ESYT2: variants seen among roughly 807,000 people sequenced by gnomAD.
ESYT2 encodes extended synaptotagmin 2.
A neutral mutation model predicts 107.2 loss-of-function variants in ESYT2; 54 were observed. The ratio of observed to expected loss-of-function variants is 0.50; its 90% confidence interval spans 0.40 to 0.63. The LOEUF is 0.63. Ranked by LOEUF, ESYT2 falls within the 30% of genes least tolerant of loss-of-function variation. The pLI is 0.00. For synonymous variants in ESYT2, 491 were observed against 434.1 expected (o/e 1.13, Z -1.63); for missense variants, 1,020 against 1,094.5 (o/e 0.93, Z 0.96).
chr7:158,742,322 C>G (rs991749151), intron 17 of ESYT2, among the ~76,000 whole-genome samples: 3 of 152,174 alleles, frequency 2.0e-5, no homozygotes, highest in Non-Finnish European at 2.9e-5. Context: ...CCCTCTGGTG[C>G]CACACAACCT....
At chr7:158,772,806 T>G (rs1838418930) in intron 7 of ESYT2, among the ~76,000 whole-genome samples, 1 of 151,456 alleles carries the variant, frequency 6.6e-6, no homozygotes, top group Non-Finnish European at 1.5e-5. Flanking sequence ...GAACTTCAAG[T>G]TCCTCACCTC....
chr7:158,752,823 G>A lies in ESYT2; in HGVS notation c.1440C>T (p.Asn480=), dbSNP rs754520160. 7.7e-7 allele frequency: 1 copy of A among 1,304,070 alleles called. No individual in the cohort carries two copies. Among genetic ancestry groups the A allele is most frequent in the South Asian group, 1.2e-5 (1 of 81,020 alleles). 80.8% of individuals were successfully genotyped at this position (1,304,070 alleles called of 1,614,324 possible). Residue 480 remains asparagine (N), a synonymous_variant, in exon 14 of 23, where the codon AAC becomes AAT. Transcript: ENST00000275418. ...RNLPSNPLEF[N]PDVLKKTAVQ... is the part of the protein sequence containing the mutation. ...CTGCAGTCTTCTTCAAGACATCGGGGTTAAATTCTAATGGGTTACTCTTTC... is the reference window on the plus strand; with the variant it reads ...CTGCAGTCTTCTTCAAGACATCGGGATTAAATTCTAATGGGTTACTCTTTC...
rs1304097810 is a variant in ESYT2, at chr7:158,731,889, C to G, written c.*2318G>C. The G allele has an allele frequency of 6.6e-6, 1 of 152,402 alleles. No individual in the cohort carries two copies. Among genetic ancestry groups the G allele is most frequent in the Admixed American group, 6.5e-5 (1 of 15,268 alleles). 9.4% of individuals were successfully genotyped at this position (152,402 alleles called of 1,614,324 possible). A position where few individuals can be genotyped will look rare whatever the true frequency, so the allele number is the denominator to read the frequency against. On this transcript the variant is annotated 3_prime_UTR_variant, in exon 23 of 23. Transcript: ENST00000275418. ...TGTGGCCTCGATGGTGGCTTCACTCCTCCACATCTGGGAGGCACTTCAGTG... is the reference window on the plus strand; with the variant it reads ...TGTGGCCTCGATGGTGGCTTCACTCGTCCACATCTGGGAGGCACTTCAGTG...
At chr7:158,822,453 A>G (rs1251893267) in intron 1 of ESYT2, among the ~76,000 whole-genome samples, 1 of 152,156 alleles carries the variant, frequency 6.6e-6, no homozygotes, top group Non-Finnish European at 1.5e-5. Context: ...AATATAGTAT[A>G]GCATCCGTGT....
Position 158,797,864 on chromosome 7 carries a change from A to AAC in ESYT2, c.507+77_507+78insGT, listed in dbSNP as rs1373838350. ...GCGAGACTCCGTCTCAAGAAAAAAA[A>AAC]AAAAAGAAAATGTGTTGTTTTGTGT... On this transcript the variant is annotated intron_variant, in intron 3 of 22. Coordinates refer to ENST00000275418, the MANE Select transcript of ESYT2 (RefSeq NM_001367773.1). 3.9e-6 allele frequency: 6 copies of AAC among 1,557,860 alleles called. No individual in the cohort carries two copies. In the African/African-American group the frequency reaches 8.4e-5, roughly 22 times the overall value.
At chr7:158,740,393 C>T (rs1837149217) in intron 18 of ESYT2, among the ~76,000 whole-genome samples, 2 of 152,162 alleles carry the variant, frequency 1.3e-5, no homozygotes, top group African/African-American at 4.8e-5. Context: ...AATTGAGCAC[C>T]CGAGGTTAAA....
chr7:158,790,913 G>T (rs1162417806), intron 4 of ESYT2, among the ~76,000 whole-genome samples: 1 of 152,136 alleles, frequency 6.6e-6, no homozygotes, highest in Non-Finnish European at 1.5e-5. Flanking sequence ...GGACAACAGA[G>T]TGAGACTCTG....
rs1260113081 is a variant in ESYT2, at chr7:158,788,383, T to C, written c.619A>G (p.Lys207Glu). The change falls in exon 5 of 23, where the codon AAA becomes GAA. Residue 207 changes from lysine (K) to glutamate (E), a missense_variant. Physicochemically the swap from Lys to Glu is moderately conservative, Grantham distance 56 (BLOSUM62 1). Transcript: ENST00000275418. The stretch of plus-strand genomic sequence containing the variant: ...ACACCAGCTCTACAAAAATATCGTT[T>C]GATCTCCAAATCAATCTCACAATTT... ...VGNCEIDLEI[K>E]RYFCRAGVKS... The C allele has an allele frequency of 6.2e-7, 1 of 1,611,730 alleles. No homozygotes were observed. The highest frequency in any genetic ancestry group is 1.7e-5 in the Admixed American group (1 of 59,518).
chr7:158,749,687 C>T lies in ESYT2; in HGVS notation c.1519G>A (p.Val507Ile). The T allele has an allele frequency of 1.9e-6, 3 of 1,614,068 alleles. No homozygotes were observed. The highest frequency in any genetic ancestry group is 2.5e-6 in the Non-Finnish European group (3 of 1,180,004). ...KKISSNPNPV[V>I]QMSVGHKAQE... is the part of the protein sequence containing the mutation. ...GCCTTGTGCCCAACTGACATCTGGACAACAGGATTTGGGTTGCTGCTTATT... is the reference window on the plus strand; with the variant it reads ...GCCTTGTGCCCAACTGACATCTGGATAACAGGATTTGGGTTGCTGCTTATT... The change falls in exon 15 of 23, where the codon GTC (valine) becomes ATC (isoleucine). Residue 507 changes from valine (V) to isoleucine (I), a missense_variant. Physicochemically the swap from Val to Ile is conservative, Grantham distance 29. Coordinates refer to ENST00000275418, the MANE Select transcript of ESYT2 (RefSeq NM_001367773.1).
chr7:158,757,760 T>G (rs920516890), intron 13 of ESYT2, among the ~76,000 whole-genome samples: 17 of 151,030 alleles, frequency 1.1e-4, no homozygotes, highest in Admixed American at 1.1e-3. Flanking sequence ...CTGGGTTTTT[T>G]TTTTTTTGTT....
chr7:158,779,193 G>A (rs1281798188), intron 6 of ESYT2, among the ~76,000 whole-genome samples: 1 of 152,160 alleles, frequency 6.6e-6, no homozygotes, highest in Non-Finnish European at 1.5e-5. Flanking sequence ...TCAAACATAG[G>A]AAGAAGTTTC....
intron 6 of ESYT2, among the ~76,000 whole-genome samples, chr7:158,783,360 A>AT (rs889298492): frequency 1.2e-3 from 184 of 152,280 alleles, no homozygotes; most frequent in African/African-American, 4.2e-3. Context: ...CCAGTGCTGT[A>AT]TGCCTGGCAT....
intron 18 of ESYT2, among the ~76,000 whole-genome samples, chr7:158,739,792 AC>A (rs112298622): frequency 0.042 from 5,876 of 139,256 alleles, 390 homozygotes; most frequent in African/African-American, 0.16. Flanking sequence ...GGTTATTTAT[AC>A]CCCCCCCTTC....
At chr7:158,787,372 A>AATTT (rs1182733487) in intron 6 of ESYT2, among the ~76,000 whole-genome samples, 2 of 152,226 alleles carry the variant, frequency 1.3e-5, no homozygotes, top group Non-Finnish European at 2.9e-5. Context: ...ACCTGAAACA[A>AATTT]ATCTGGTCCC....
intron 4 of ESYT2, 120 bp from the exon 5 acceptor site, chr7:158,788,537 G>C: frequency 4.7e-6 from 4 of 845,692 alleles, no homozygotes; most frequent in Non-Finnish European, 5.4e-6. Flanking sequence ...TCAGATTGTA[G>C]GTAAAAACCC....
chr7:158,763,043 C>A (rs1304953882), intron 10 of ESYT2, 40 bp downstream of exon 10: 3 of 1,454,418 alleles, frequency 2.1e-6, no homozygotes, highest in Non-Finnish European at 2.9e-6. Flanking sequence ...AAAGACTGAC[C>A]CCATGCCCTC....
intron 13 of ESYT2, among the ~76,000 whole-genome samples, chr7:158,755,948 T>C (rs1453423298): frequency 1.3e-5 from 2 of 152,196 alleles, no homozygotes; most frequent in Non-Finnish European, 2.9e-5. Context: ...GCAAACAACA[T>C]GGCACATGTA....
intron 13 of ESYT2, among the ~76,000 whole-genome samples, chr7:158,758,244 T>C (rs1172491646): frequency 1.3e-5 from 2 of 152,250 alleles, no homozygotes; most frequent in Non-Finnish European, 2.9e-5. Context: ...ATCTTAATTG[T>C]AGGTAACTTT....
chr7:158,742,299 C>A (rs953626187), intron 17 of ESYT2, among the ~76,000 whole-genome samples: 3 of 152,196 alleles, frequency 2.0e-5, no homozygotes, highest in African/African-American at 7.2e-5. Flanking sequence ...GCAGGCCACC[C>A]CCCTGAAGCT....
Sources: gnomAD v4.1 joint callset for allele counts (sites outside exome capture counted in the v4.1 genomes callset) on GRCh38, gnomAD v4.1.1 for gene constraint, MANE v1.5 for transcripts, NCBI Gene and HGNC (gene_info 2026-07-23, HGNC 2026-07-21) for gene names.